Variants in ANKRD29 observed in about 807,000 individuals in gnomAD.
ANKRD29 encodes ankyrin repeat domain 29.
ANKRD29 carries 32 observed loss-of-function variants against 38.0 expected under a neutral mutation model. The ratio of observed to expected loss-of-function variants is 0.84; its 90% CI spans 0.64 to 1.13. The LOEUF (loss-of-function observed/expected upper bound fraction) is 1.13, where lower values mean the gene tolerates loss of function less well. Ranked by LOEUF, ANKRD29 falls within the 50% of genes most tolerant of loss-of-function variation. ANKRD29 has a pLI of 0.00. For synonymous variants in ANKRD29, 135 were observed against 152.4 expected (o/e 0.89, Z 0.84); for missense variants, 357 against 377.9 (o/e 0.94, Z 0.46).
intron 4 of ANKRD29, among the ~76,000 whole-genome samples, chr18:23,636,157 T>C (rs766016837): frequency 2.0e-4 from 30 of 152,222 alleles, no homozygotes; most frequent in Admixed American, 1.1e-3. Flanking sequence ...TATGTATGTA[T>C]GTCAGGGTCC....
intron 1 of ANKRD29, among the ~76,000 whole-genome samples, chr18:23,654,303 T>TAAAC (rs2060249806): frequency 6.8e-6 from 1 of 147,616 alleles, no homozygotes; most frequent in Non-Finnish European, 1.5e-5. Context: ...AATAAATAAA[T>TAAAC]AAATAAATAA....
At chr18:23,640,458 C>A (rs532554371) in intron 3 of ANKRD29, among the ~76,000 whole-genome samples, 1 of 152,264 alleles carries the variant, frequency 6.6e-6, no homozygotes, top group South Asian at 2.1e-4. Context: ...CAAATTTTAG[C>A]GCCCCAGAGT....
intron 1 of ANKRD29, among the ~76,000 whole-genome samples, chr18:23,658,778 A>C (rs1334123067): frequency 6.6e-6 from 1 of 152,074 alleles, no homozygotes. Context: ...TGATGGAATT[A>C]ATGTCCTTAA....
intron 6 of ANKRD29, among the ~76,000 whole-genome samples, chr18:23,621,375 G>A (rs79304603): frequency 0.044 from 6,632 of 152,202 alleles, 411 homozygotes; most frequent in Admixed American, 0.18. Flanking sequence ...GAGCTGGGTC[G>A]GGGAAGCTGG....
Position 23,601,240 on chromosome 18 carries a change from G to T in ANKRD29, c.892C>A (p.Pro298Thr), listed in dbSNP as rs2059507766. The T allele has an allele frequency of 1.2e-6, 2 of 1,613,774 alleles. No individual in the cohort carries two copies. The highest frequency in any genetic ancestry group is 2.2e-5 in the South Asian group (2 of 91,064). ...ILRLLRSKEG[P>T]RKS ...ATGGAGCTAAGTTAGCTCTTTCTGG[G>T]ACCTTCTTTACTTCTCAGGAGACGC... Residue 298 changes from proline (P) to threonine (T), a missense_variant, in exon 10 of 10, where the codon CCC becomes ACC. By Grantham distance (38) the Pro-to-Thr change is conservative. Coordinates refer to ENST00000592179, the MANE Select transcript of ANKRD29 (RefSeq NM_173505.4).
intron 9 of ANKRD29, chr18:23,609,215 T>C (rs746601373): frequency 6.6e-6 from 1 of 152,170 alleles, no homozygotes. Context: ...CTTGAAATAT[T>C]TTGCAGACCT....
chr18:23,655,573 T>C (rs1005493789), intron 1 of ANKRD29, among the ~76,000 whole-genome samples: 2 of 151,840 alleles, frequency 1.3e-5, no homozygotes, highest in Non-Finnish European at 2.9e-5. Context: ...GCCTCCTGAG[T>C]AGCTGGAATT....
intron 9 of ANKRD29, 139 bp downstream of exon 9, chr18:23,611,953 C>G (rs2059647891): frequency 2.5e-5 from 17 of 671,866 alleles, no homozygotes; most frequent in Non-Finnish European, 2.5e-6. Context: ...TCACTAATCA[C>G]CTACTAACAG....
At chr18:23,641,963 A>G (rs749997359) in intron 3 of ANKRD29, among the ~76,000 whole-genome samples, 5 of 151,950 alleles carry the variant, frequency 3.3e-5, no homozygotes, top group Non-Finnish European at 5.9e-5. Flanking sequence ...CATCAGGATG[A>G]CTTGCCTGCG....
At chr18:23,608,537 T>C (rs1481406923) in intron 9 of ANKRD29, among the ~76,000 whole-genome samples, 1 of 152,232 alleles carries the variant, frequency 6.6e-6, no homozygotes, top group African/African-American at 2.4e-5. Context: ...AGGAATTGCA[T>C]TTTTCAGTTT....
chr18:23,634,653 C>T (rs192746352), intron 4 of ANKRD29, among the ~76,000 whole-genome samples: 46 of 152,068 alleles, frequency 3.0e-4, no homozygotes, highest in African/African-American at 8.2e-4. Context: ...ATCCTAAGGA[C>T]GTGATTATGT....
At chr18:23,624,203 C>T (rs894013970) in intron 6 of ANKRD29, among the ~76,000 whole-genome samples, 2 of 151,568 alleles carry the variant, frequency 1.3e-5, no homozygotes, top group South Asian at 2.1e-4. Flanking sequence ...TGGTGGTTCA[C>T]ACCTGTAATC....
intron 1 of ANKRD29, among the ~76,000 whole-genome samples, chr18:23,655,985 C>T (rs906859043): frequency 1.2e-4 from 17 of 146,160 alleles, no homozygotes; most frequent in African/African-American, 3.3e-4. Flanking sequence ...CCCAGCTACT[C>T]GGGAGGCTGA....
chr18:23,629,723 C>A, intron 6 of ANKRD29, 130 bp downstream of exon 6: 1 of 702,734 alleles, frequency 1.4e-6, no homozygotes, highest in Non-Finnish European at 2.4e-6. Flanking sequence ...AACTTTTCAT[C>A]ACAGAAGCAG....
At position 23,662,787 on chromosome 18, in the gene ANKRD29, C is replaced by A. The variant is rs1240358338; in HGVS notation, c.-57G>T. On this transcript the variant is annotated 5_prime_UTR_variant, in exon 1 of 10. Transcript: ENST00000592179. The stretch of plus-strand genomic sequence containing the variant: ...CTTTGGGCCCGGGGCGCCTTGTCCT[C>A]CCCGGCCCTTCACTCTCCCGGGGCT... 1.4e-6 allele frequency: 2 copies of A among 1,407,792 alleles called. No homozygotes were observed. Among genetic ancestry groups the A allele is most frequent in the Non-Finnish European group, 1.9e-6 (2 of 1,079,598 alleles). 87.2% of individuals were successfully genotyped at this position (1,407,792 alleles called of 1,614,324 possible).
chr18:23,635,405 T>G (rs551280810), intron 4 of ANKRD29, among the ~76,000 whole-genome samples: 29 of 152,248 alleles, frequency 1.9e-4, no homozygotes, highest in African/African-American at 6.3e-4. Flanking sequence ...CAGCCTAAAT[T>G]AGAGCTTTTC....
rs560076123 is a variant in ANKRD29 at position 23,635,175 on chromosome 18, C to A, written c.331-1026G>T. The stretch of plus-strand genomic sequence containing the variant: ...TCCCAGCAACTTGGGAGGCTGGGGT[C>A]GGAAGATCAATTGAGCCCAGGAAGT... On this transcript the variant is annotated intron_variant, in intron 4 of 9. Transcript: ENST00000592179. 9.0e-4 allele frequency among the ~76,000 whole-genome samples: 136 copies of A among 151,608 alleles called. 1 individual carries two copies. Among genetic ancestry groups the A allele is most frequent in the African/African-American group, 3.2e-3 (133 of 41,304 alleles).
intron 6 of ANKRD29, 124 bp from the exon 7 acceptor site, chr18:23,619,753 C>T: frequency 1.1e-5 from 8 of 743,074 alleles, no homozygotes; most frequent in Non-Finnish European, 1.5e-5. Context: ...GACCGCAGAT[C>T]ACACTCTGCA....
At chr18:23,621,319 G>A (rs1323477295) in intron 6 of ANKRD29, among the ~76,000 whole-genome samples, 1 of 152,198 alleles carries the variant, frequency 6.6e-6, no homozygotes, top group Admixed American at 6.5e-5. Context: ...GCACAAGATT[G>A]TTGCCCACTG....
Sources: allele counts gnomAD v4.1 joint callset (sites outside exome capture counted in the v4.1 genomes callset), GRCh38; gene constraint gnomAD v4.1.1; transcripts MANE v1.5; gene names NCBI Gene and HGNC (gene_info 2026-07-23, HGNC 2026-07-21).